The following ALPK1 variants were observed in gnomAD, a reference collection of about 807,000 sequenced individuals.
ALPK1 encodes alpha-protein kinase 1.
In ALPK1, 110 loss-of-function variants were observed where a neutral mutation model predicts 120.6. That is an observed-to-expected ratio of 0.91 (90% CI 0.78 to 1.07). The LOEUF (loss-of-function observed/expected upper bound fraction) is 1.07. Ranked by LOEUF, ALPK1 falls within the 50% of genes least tolerant of loss-of-function variation. ALPK1 has a pLI of 0.00. For synonymous variants in ALPK1, 582 were observed against 560.3 expected (o/e 1.04, Z -0.55); for missense variants, 1,498 against 1,483.9 (o/e 1.01, Z -0.16).
At chr4:112,311,717 G>T (rs1029652233) in intron 1 of ALPK1, among the ~76,000 whole-genome samples, 1 of 152,202 alleles carries the variant, frequency 6.6e-6, no homozygotes, top group Non-Finnish European at 1.5e-5. Flanking sequence ...TATCAACTGC[G>T]CCATGCCTGC....
chr4:112,336,891 A>G (rs1404858704), intron 2 of ALPK1, among the ~76,000 whole-genome samples: 2 of 152,206 alleles, frequency 1.3e-5, no homozygotes, highest in Non-Finnish European at 2.9e-5. Flanking sequence ...TGGAAATAAT[A>G]GGCAAATTTT....
rs541022705 is a variant in ALPK1 at position 112,405,935 on chromosome 4, G to A, written c.277-5892G>A. ...TCCACAGAACCTTGCTGAGGCCACA[G>A]GGGAAAAGCAGAAGATGAACTGATG... On this transcript the variant is annotated intron_variant, in intron 4 of 15. Transcript: ENST00000650871. Among the ~76,000 whole-genome samples the A allele has an allele frequency of 2.0e-5, 3 of 152,220 alleles. No individual in the cohort carries two copies. In the South Asian group the frequency reaches 6.2e-4, roughly 32 times the overall value.
In ALPK1 at chr4:112,431,919, CAGCAGAAAGCACTGA is replaced by C. The variant is rs1734577545; in HGVS notation, c.2375_2389del (p.Ala792_Glu796del). On this transcript the variant is annotated inframe_deletion, in exon 11 of 16. Transcript: ENST00000650871. ...TCCTGGGTTGACCCAGAAGGAGAAACAGCAGAAAGCACTGAAGATGCACCCTTAGACTTTCACAGG... is the reference window on the plus strand; with the variant it reads ...TCCTGGGTTGACCCAGAAGGAGAAACAGATGCACCCTTAGACTTTCACAGG... The C allele has an allele frequency of 1.9e-6, 3 of 1,614,048 alleles. No individual in the cohort carries two copies. Among genetic ancestry groups the C allele is most frequent in the Non-Finnish European group, 1.7e-6 (2 of 1,180,048 alleles).
intron 2 of ALPK1, among the ~76,000 whole-genome samples, chr4:112,330,019 A>G (rs1190924563): frequency 6.6e-6 from 1 of 152,258 alleles, no homozygotes; most frequent in African/African-American, 2.4e-5. Flanking sequence ...ACTAAAATGT[A>G]CCAAAATCCA....
chr4:112,356,967 A>G (rs1253458194), intron 2 of ALPK1: 3 of 767,846 alleles, frequency 3.9e-6, no homozygotes, highest in Non-Finnish European at 7.2e-6. Context: ...GACGTCATAG[A>G]CCAGGTGCTG....
intron 1 of ALPK1, among the ~76,000 whole-genome samples, chr4:112,298,110 C>G (rs948551389): frequency 2.0e-5 from 3 of 152,080 alleles, no homozygotes; most frequent in Admixed American, 2.0e-4. Context: ...GAAATTAGTA[C>G]TTTAGAGTAC....
intron 2 of ALPK1, among the ~76,000 whole-genome samples, chr4:112,333,835 C>T (rs1443694875): frequency 6.6e-6 from 1 of 152,146 alleles, no homozygotes; most frequent in East Asian, 1.9e-4. Context: ...TATTTAGACA[C>T]TTCTGCCCCA....
At chr4:112,388,833 A>G (rs577271036) in intron 4 of ALPK1, among the ~76,000 whole-genome samples, 2 of 152,358 alleles carry the variant, frequency 1.3e-5, no homozygotes, top group South Asian at 4.1e-4. Context: ...GGTTCTTCCC[A>G]TGTATTGACC....
intron 2 of ALPK1, among the ~76,000 whole-genome samples, chr4:112,367,404 C>T (rs755149196): frequency 7.9e-5 from 12 of 151,546 alleles, no homozygotes; most frequent in South Asian, 2.1e-4. Flanking sequence ...TTCTGTCTTA[C>T]GCTTAATTAT....
intron 2 of ALPK1, among the ~76,000 whole-genome samples, chr4:112,364,308 A>G (rs1037186846): frequency 6.6e-6 from 1 of 151,838 alleles, no homozygotes; most frequent in African/African-American, 2.4e-5. Flanking sequence ...AAACCGTTAG[A>G]CCATTAGTGA....
chr4:112,300,142 T>G (rs1330580069), intron 1 of ALPK1, among the ~76,000 whole-genome samples: 3 of 152,144 alleles, frequency 2.0e-5, no homozygotes, highest in Non-Finnish European at 4.4e-5. Context: ...CAAAAGATAC[T>G]GTACCCATAA....
intron 1 of ALPK1, among the ~76,000 whole-genome samples, chr4:112,308,047 C>T (rs560846128): frequency 3.3e-5 from 5 of 152,160 alleles, no homozygotes; most frequent in Non-Finnish European, 2.9e-5. Flanking sequence ...GTTGAAAATT[C>T]GTTTCTTTAA....
chr4:112,394,772 C>G (rs1169282504), intron 4 of ALPK1, among the ~76,000 whole-genome samples: 2 of 152,260 alleles, frequency 1.3e-5, no homozygotes, highest in East Asian at 3.9e-4. Flanking sequence ...CATAATGAGG[C>G]CTGAAGACTG....
intron 4 of ALPK1, among the ~76,000 whole-genome samples, chr4:112,387,778 T>G (rs2148732420): frequency 6.6e-6 from 1 of 152,302 alleles, no homozygotes; most frequent in South Asian, 2.1e-4. Context: ...TCCCAATAAT[T>G]TTTTTAACTT....
rs1733590146 is a variant in ALPK1 at position 112,413,506 on chromosome 4, C to A, written c.475+1481C>A. ...TGATCACAACCCACTGCAGCCTCGA[C>A]TTCTGGGGCTCAGGTGATGTTCCCC... On this transcript the variant is annotated intron_variant, in intron 5 of 15. Coordinates refer to ENST00000650871, the MANE Select transcript of ALPK1 (RefSeq NM_025144.4). Among the ~76,000 whole-genome samples, 6 of 152,328 alleles carry A rather than the reference C, an allele frequency of 3.9e-5. No homozygotes were observed. In the South Asian group the frequency reaches 1.2e-3, roughly 32 times the overall value.
At chr4:112,411,409 G>C (rs1578549186) in intron 4 of ALPK1, among the ~76,000 whole-genome samples, 1 of 152,142 alleles carries the variant, frequency 6.6e-6, no homozygotes, top group East Asian at 1.9e-4. Flanking sequence ...ATTTTTAGTA[G>C]AGATGGGGTT....
intron 5 of ALPK1, chr4:112,414,197 G>C: frequency 2.2e-6 from 1 of 456,248 alleles, no homozygotes; most frequent in Admixed American, 2.3e-5. Context: ...GAAAAACAAA[G>C]GTAATATGAG....
intron 2 of ALPK1, among the ~76,000 whole-genome samples, chr4:112,370,843 G>A (rs1731375527): frequency 6.6e-6 from 1 of 152,032 alleles, no homozygotes; most frequent in South Asian, 2.1e-4. Flanking sequence ...GAATTACCTT[G>A]GAAATCTCTT....
intron 1 of ALPK1, among the ~76,000 whole-genome samples, chr4:112,311,723 C>T (rs992691060): frequency 1.3e-5 from 2 of 152,214 alleles, no homozygotes; most frequent in African/African-American, 4.8e-5. Context: ...CTGCGCCATG[C>T]CTGCCCAATA....
Sources: gnomAD v4.1 joint callset for allele counts (sites outside exome capture counted in the v4.1 genomes callset) on GRCh38, gnomAD v4.1.1 for gene constraint, MANE v1.5 for transcripts, NCBI Gene and HGNC (gene_info 2026-07-23, HGNC 2026-07-21) for gene names.